Variants in COL4A1 observed in about 807,000 individuals in gnomAD.
COL4A1 encodes collagen type IV alpha 1 chain, also known as collagen alpha-1(IV) chain.
A neutral mutation model predicts 216.6 loss-of-function variants in COL4A1; 40 were observed. The observed-to-expected ratio is 0.18, with a 90% CI of 0.14 to 0.24. The LOEUF is 0.24. Among genes scored for constraint, COL4A1 ranks in the 10% least tolerant of loss-of-function variants. The pLI is 1.00. For synonymous variants in COL4A1, 839 were observed against 810.7 expected (o/e 1.03, Z -0.59); for missense variants, 1,628 against 2,196.8 (o/e 0.74, Z 5.18).
Position 110,206,537 on chromosome 13 carries a change from T to G in COL4A1, c.858+128A>C, listed in dbSNP as rs577978116. The G allele has an allele frequency of 3.7e-6, 4 of 1,077,946 alleles. No homozygotes were observed. The Admixed American group carries it at 7.0e-5, about 19-fold the overall frequency. The allele number at this position is 1,077,946 out of a possible 1,614,324, so 66.8% of individuals were successfully genotyped here. On this transcript the variant is annotated intron_variant, in intron 15 of 51. Transcript: ENST00000375820. Reference sequence around the variant, plus strand: ...CTCAGGAGAGTCTCGGAAAAGCCCTTCGGGGCATGAAAGGGATAAACTAGA... The same window carrying G: ...CTCAGGAGAGTCTCGGAAAAGCCCTGCGGGGCATGAAAGGGATAAACTAGA...
chr13:110,218,507 C>A (rs1027507589), intron 2 of COL4A1, among the ~76,000 whole-genome samples: 11 of 152,196 alleles, frequency 7.2e-5, no homozygotes, highest in African/African-American at 2.7e-4. Flanking sequence ...CCTGTAACTT[C>A]TTCACAGGCA....
chr13:110,229,113 C>T (rs1179560019), intron 2 of COL4A1, among the ~76,000 whole-genome samples: 2 of 152,222 alleles, frequency 1.3e-5, no homozygotes, highest in Non-Finnish European at 2.9e-5. Context: ...CAGAATACAT[C>T]ACCGAAAACA....
Position 110,211,249 on chromosome 13 carries a change from G to A in COL4A1, c.468+398C>T, listed in dbSNP as rs895016042. Among the ~76,000 whole-genome samples, 6 of 152,198 alleles carry A rather than the reference G, an allele frequency of 3.9e-5. No individual in the cohort carries two copies. The highest frequency in any genetic ancestry group is 1.3e-4 in the Admixed American group (2 of 15,274). ...CACATTACATGACTGCACAGTCTGA[G>A]GTCGGGCTGATGCCAGCAGCCGAGC... On this transcript the variant is annotated intron_variant, in intron 8 of 51. Transcript: ENST00000375820. The surrounding 1 kb of genome is among the most constrained non-coding windows in gnomAD (Gnocchi z 4.3).
At chr13:110,280,378 A>G (rs1377844084) in intron 1 of COL4A1, among the ~76,000 whole-genome samples, 4 of 152,246 alleles carry the variant, frequency 2.6e-5, no homozygotes, top group Admixed American at 6.5e-5. Flanking sequence ...AAATGCCTTT[A>G]GGAGTTCCCT....
chr13:110,222,584 T>A (rs1477939263), intron 2 of COL4A1, among the ~76,000 whole-genome samples: 1 of 148,842 alleles, frequency 6.7e-6, no homozygotes, highest in Admixed American at 6.8e-5. Context: ...CCATCCTGGC[T>A]AACATGGTGA....
chr13:110,183,241 G>A lies in COL4A1; in HGVS notation c.1933C>T (p.Pro645Ser). ...AGTCCTTCTGCTCCAGGGGGGCCTG[G>A]TAAAGGAACAATTTTTCCTGGTTCA... Reference protein sequence around the residue: ...KGEPGKIVPLPGPPGAEGLPG... With the variant: ...KGEPGKIVPLSGPPGAEGLPG... Residue 645 changes from proline (P) to serine (S), a missense_variant, in exon 27 of 52, where the codon CCA (proline) becomes TCA (serine). By Grantham distance (74) the Pro-to-Ser change is moderately conservative (BLOSUM62 -1). Transcript: ENST00000375820. The A allele has an allele frequency of 8.7e-6, 14 of 1,613,788 alleles. No individual in the cohort carries two copies. The highest frequency in any genetic ancestry group is 1.2e-5 in the Non-Finnish European group (14 of 1,180,000).
intron 50 of COL4A1, 137 bp downstream of exon 50, chr13:110,155,146 G>C (rs1876714747): frequency 1.4e-6 from 1 of 739,750 alleles, no homozygotes; most frequent in Non-Finnish European, 2.4e-6. Context: ...CTTTGGAAGG[G>C]GATGGTTGGA....
At chr13:110,248,809 A>G (rs2139254579) in intron 1 of COL4A1, among the ~76,000 whole-genome samples, 1 of 152,284 alleles carries the variant, frequency 6.6e-6, no homozygotes, top group Middle Eastern at 3.4e-3. Flanking sequence ...CTATTATTTT[A>G]AATTCCACTT....
At chr13:110,274,939 G>A (rs943424846) in intron 1 of COL4A1, among the ~76,000 whole-genome samples, 58 of 152,264 alleles carry the variant, frequency 3.8e-4, no homozygotes, top group African/African-American at 1.3e-3. Flanking sequence ...AGCAAAATAT[G>A]CATTCTCTCT....
At chr13:110,203,519 T>A in intron 18 of COL4A1, 47 bp downstream of exon 18, 2 of 1,607,570 alleles carry the variant, frequency 1.2e-6, no homozygotes, top group Non-Finnish European at 1.7e-6. Context: ...GTCCTCTCCT[T>A]CCTCCCCCAG....
intron 18 of COL4A1, among the ~76,000 whole-genome samples, chr13:110,202,069 G>C (rs186031076): frequency 6.6e-6 from 1 of 152,112 alleles, no homozygotes; most frequent in African/African-American, 2.4e-5. Flanking sequence ...CCAGGCAGGC[G>C]GTTCTGCTTC....
chr13:110,259,443 G>T (rs1377405613), intron 1 of COL4A1, among the ~76,000 whole-genome samples: 2 of 152,148 alleles, frequency 1.3e-5, no homozygotes, highest in African/African-American at 4.8e-5. Context: ...TCTAGGTGGA[G>T]CAAAACACAA....
chr13:110,204,289 A>G (rs1879386724), intron 17 of COL4A1, among the ~76,000 whole-genome samples: 1 of 152,214 alleles, frequency 6.6e-6, no homozygotes, highest in Non-Finnish European at 1.5e-5. Context: ...GCAGTAAACA[A>G]GAATTGAATG....
At chr13:110,215,911 G>T (rs1362667772) in intron 2 of COL4A1, among the ~76,000 whole-genome samples, 1 of 152,234 alleles carries the variant, frequency 6.6e-6, no homozygotes, top group Non-Finnish European at 1.5e-5. Flanking sequence ...AACGCAGGAA[G>T]GACGTTATGA....
chr13:110,223,588 C>T (rs1467044537), intron 2 of COL4A1, among the ~76,000 whole-genome samples: 2 of 152,186 alleles, frequency 1.3e-5, no homozygotes, highest in African/African-American at 4.8e-5. Flanking sequence ...AAGTGTTCTG[C>T]TACAGGCTTG....
In COL4A1 at chr13:110,227,720, G is replaced by A. The variant is rs137948468; in HGVS notation, c.145-13705C>T. Among the ~76,000 whole-genome samples, 597 of 152,318 alleles carry A rather than the reference G, an allele frequency of 3.9e-3. 7 individuals are homozygous for A. Among genetic ancestry groups the A allele is most frequent in the Middle Eastern group, 0.017 (5 of 294 alleles). On this transcript the variant is annotated intron_variant, in intron 2 of 51. Coordinates refer to ENST00000375820, the MANE Select transcript of COL4A1 (RefSeq NM_001845.6). ...TCATGGGAATTCTAAACCTACAGGT[G>A]CCCACCCTTGGTTCTCCACAGGGAG...
At position 110,212,427 on chromosome 13, in the gene COL4A1, T is replaced by C. The variant is rs1165857721; in HGVS notation, c.377A>G (p.Asn126Ser). ...PPGPPGIPGCNGTKGERGPLG... is the reference protein window; with the variant it reads ...PPGPPGIPGCSGTKGERGPLG... The stretch of plus-strand genomic sequence containing the variant: ...CGGTTCTGGATTTACCTTTGTGCCA[T>C]TGCATCCTGGAATACCTGGGGGGCC... The change falls in exon 6 of 52, where the codon AAT becomes AGT. Residue 126 changes from asparagine to serine, a missense_variant. Asn to Ser is a conservative substitution (Grantham distance 46, BLOSUM62 1). Coordinates refer to ENST00000375820, the MANE Select transcript of COL4A1 (RefSeq NM_001845.6). 2 of 1,613,834 alleles carry C rather than the reference T, an allele frequency of 1.2e-6. No homozygotes were observed. The highest frequency in any genetic ancestry group is 1.7e-6 in the Non-Finnish European group (2 of 1,180,014).
intron 1 of COL4A1, chr13:110,298,492 C>T (rs919292697): frequency 6.6e-6 from 1 of 152,186 alleles, no homozygotes; most frequent in African/African-American, 2.4e-5. Flanking sequence ...ACTAACCATT[C>T]CGTGGATGGT....
intron 28 of COL4A1, among the ~76,000 whole-genome samples, chr13:110,182,022 T>G (rs2139168411): frequency 6.6e-6 from 1 of 152,342 alleles, no homozygotes; most frequent in Non-Finnish European, 1.5e-5. Context: ...AGATAGGGTC[T>G]GTCCTCCTCA....
Sources: allele counts gnomAD v4.1 joint callset (sites outside exome capture counted in the v4.1 genomes callset), GRCh38; gene constraint gnomAD v4.1.1; non-coding constraint Gnocchi (gnomAD v3.1); transcripts MANE v1.5; gene names NCBI Gene and HGNC (gene_info 2026-07-23, HGNC 2026-07-21).